Variants in SLC17A9 observed in about 807,000 individuals in gnomAD.
The protein encoded by SLC17A9 is voltage-gated purine nucleotide uniporter SLC17A9.
In SLC17A9, 49 loss-of-function variants were observed where a neutral mutation model predicts 55.0. That is an observed-to-expected ratio of 0.89 (90% CI 0.71 to 1.13). SLC17A9 has a LOEUF of 1.13. Among genes scored for constraint, SLC17A9 ranks in the 50% most tolerant of loss-of-function variants. SLC17A9 has a pLI of 0.00. For missense variants in SLC17A9, 526 were observed against 569.3 expected (o/e 0.92, Z 0.77); for synonymous variants, 256 against 247.4 (o/e 1.03, Z -0.32).
At chr20:62,961,972 C>T (rs941252285) in intron 4 of SLC17A9, among the ~76,000 whole-genome samples, 2 of 152,172 alleles carry the variant, frequency 1.3e-5, no homozygotes. Flanking sequence ...TGCCAGGCCC[C>T]GCTTTGGGGC....
chr20:62,959,238 G>A (rs1470429314), intron 3 of SLC17A9, among the ~76,000 whole-genome samples: 1 of 152,200 alleles, frequency 6.6e-6, no homozygotes, highest in Non-Finnish European at 1.5e-5. Context: ...TGGGGCAGGC[G>A]GCTGTCCTCG....
At chr20:62,956,442 T>TC (rs2065537400) in intron 1 of SLC17A9, among the ~76,000 whole-genome samples, 1 of 152,048 alleles carries the variant, frequency 6.6e-6, no homozygotes, top group South Asian at 2.1e-4. Flanking sequence ...GGTCACCCTC[T>TC]CCCCTGTTCT....
Position 62,967,788 on chromosome 20 carries a change from G to A in SLC17A9, c.*288G>A, listed in dbSNP as rs1248599411. 3 of 343,608 alleles carry A rather than the reference G, an allele frequency of 8.7e-6. No individual in the cohort carries two copies. The highest frequency in any genetic ancestry group is 1.6e-5 in the Non-Finnish European group (3 of 186,950). 21.3% of individuals were successfully genotyped at this position (343,608 alleles called of 1,614,324 possible). A position where few individuals can be genotyped will look rare whatever the true frequency, so the allele number is the denominator to read the frequency against. On this transcript the variant is annotated 3_prime_UTR_variant, in exon 13 of 13. Coordinates refer to ENST00000370351, the MANE Select transcript of SLC17A9 (RefSeq NM_022082.4). The stretch of plus-strand genomic sequence containing the variant: ...CTGGTGTGGCCGTCAGGGTGGGTGG[G>A]GTTATTGTTAGTAGGCGCAGCCTCA...
At chr20:62,965,922 C>T (rs188935832) in intron 10 of SLC17A9, among the ~76,000 whole-genome samples, 197 bp downstream of exon 10, 35 of 152,394 alleles carry the variant, frequency 2.3e-4, no homozygotes, top group African/African-American at 7.9e-4. Flanking sequence ...GTGAGCAGCA[C>T]GTGCGCGTGA....
At chr20:62,954,842 T>C (rs1214724838) in intron 1 of SLC17A9, among the ~76,000 whole-genome samples, 1 of 152,240 alleles carries the variant, frequency 6.6e-6, no homozygotes, top group African/African-American at 2.4e-5. Flanking sequence ...TGGCTCTGTG[T>C]TCTCAGTCCT....
At chr20:62,963,214 G>A in intron 5 of SLC17A9, 59 bp from the exon 6 acceptor site, 1 of 1,557,158 alleles carries the variant, frequency 6.4e-7, no homozygotes, top group Non-Finnish European at 8.8e-7. Context: ...CCAATCCTTT[G>A]GCAACGGGTG....
intron 8 of SLC17A9, 64 bp downstream of exon 8, chr20:62,964,379 C>A: frequency 6.7e-7 from 1 of 1,503,076 alleles, no homozygotes; most frequent in Non-Finnish European, 9.3e-7. Flanking sequence ...TTTCGAGGGG[C>A]AGGATGCTCC....
rs1193927807 is a variant in SLC17A9, at chr20:62,956,751, C to T, written c.60-14C>T. On this transcript the variant is annotated splice_polypyrimidine_tract_variant and intron_variant, in intron 1 of 12. Transcript: ENST00000370351. ...TGGGGCCTCCCCAGGGCCTGACCATCTCCTGTCCCACAGGCCCGAGTGCCA... is the reference window on the plus strand; with the variant it reads ...TGGGGCCTCCCCAGGGCCTGACCATTTCCTGTCCCACAGGCCCGAGTGCCA... The T allele has an allele frequency of 6.2e-7, 1 of 1,608,544 alleles. No homozygotes were observed. Among genetic ancestry groups the T allele is most frequent in the Non-Finnish European group, 8.5e-7 (1 of 1,178,658 alleles).
Position 62,965,614 on chromosome 20 carries a change from T to G in SLC17A9, c.950T>G (p.Met317Arg). ...CACGGTGGCGCTTTCCTGCAGGGCA[T>G]GGGCCTTGGCCTCTCCAGCGTCTTT... ...AITVRKLMQGMGLGLSSVFAL... is the reference protein window; with the variant it reads ...AITVRKLMQGRGLGLSSVFAL... The change falls in exon 10 of 13, where the codon ATG becomes AGG. Residue 317 changes from methionine to arginine, a missense_variant. Physicochemically the swap from Met to Arg is moderately conservative, Grantham distance 91. Transcript: ENST00000370351. The G allele has an allele frequency of 6.2e-7, 1 of 1,612,550 alleles. No individual in the cohort carries two copies. Among genetic ancestry groups the G allele is most frequent in the South Asian group, 1.1e-5 (1 of 91,044 alleles).
rs578117224 is a variant in SLC17A9 at position 62,953,231 on chromosome 20, C to A, written c.59+342C>A. Reference sequence around the variant, plus strand: ...GCCAGGTGGAACCACCCTGTGTATGCATGACCCTGACAAGCAGGCGCCAGG... The same window carrying A: ...GCCAGGTGGAACCACCCTGTGTATGAATGACCCTGACAAGCAGGCGCCAGG... On this transcript the variant is annotated intron_variant, in intron 1 of 12. Transcript: ENST00000370351. 1.1e-3 allele frequency: 1,675 copies of A among 1,550,402 alleles called. 2 individuals are homozygous for A. Among genetic ancestry groups the A allele is most frequent in the Non-Finnish European group, 1.3e-3 (1,450 of 1,146,870 alleles).
intron 8 of SLC17A9, among the ~76,000 whole-genome samples, chr20:62,964,631 G>A (rs1375822094): frequency 6.6e-6 from 1 of 152,188 alleles, no homozygotes; most frequent in African/African-American, 2.4e-5. Flanking sequence ...TGTTCCATGT[G>A]CTCCAGACCC....
intron 3 of SLC17A9, among the ~76,000 whole-genome samples, chr20:62,960,302 C>A (rs1428126615): frequency 1.3e-5 from 2 of 152,340 alleles, no homozygotes; most frequent in South Asian, 2.1e-4. Context: ...GTGCGGGTGG[C>A]ACGACCCTGA....
At chr20:62,966,937 T>C in intron 12 of SLC17A9, 1 of 625,852 alleles carries the variant, frequency 1.6e-6, no homozygotes, top group Non-Finnish European at 2.7e-6. Flanking sequence ...GGCTCATGAG[T>C]CGCCATCTGC....
At chr20:62,953,349 A>G in intron 1 of SLC17A9, 1 of 1,484,894 alleles carries the variant, frequency 6.7e-7, no homozygotes, top group Non-Finnish European at 9.2e-7. Context: ...CTGTGTGCTG[A>G]GGACGAGCTC....
chr20:62,963,148 T>A lies in SLC17A9; in HGVS notation c.629-125T>A, dbSNP rs759721194. On this transcript the variant is annotated intron_variant, in intron 5 of 12. Transcript: ENST00000370351. Reference sequence around the variant, plus strand: ...AGGCCAAGGGAGGCTGGCGCCCATGTGCAACCTGAGGCATGGACGAGGCCT... The same window carrying A: ...AGGCCAAGGGAGGCTGGCGCCCATGAGCAACCTGAGGCATGGACGAGGCCT... 5.8e-4 allele frequency: 570 copies of A among 975,726 alleles called. 1 individual carries two copies. Among genetic ancestry groups the A allele is most frequent in the Non-Finnish European group, 8.2e-4 (529 of 642,388 alleles). 60.4% of individuals were successfully genotyped at this position (975,726 alleles called of 1,614,324 possible). A position where few individuals can be genotyped will look rare whatever the true frequency, so the allele number is the denominator to read the frequency against.
intron 12 of SLC17A9, chr20:62,967,006 C>T: frequency 1.7e-6 from 1 of 576,838 alleles, no homozygotes; most frequent in Non-Finnish European, 3.0e-6. Flanking sequence ...CACCTCCTGG[C>T]CCCGCTGAGT....
intron 4 of SLC17A9, among the ~76,000 whole-genome samples, 157 bp downstream of exon 4, chr20:62,960,760 C>T (rs1056694983): frequency 3.3e-5 from 5 of 152,272 alleles, no homozygotes; most frequent in Admixed American, 3.3e-4. Context: ...TAGCCCGAGG[C>T]TGTGCTCTGC....
Position 62,952,901 on chromosome 20 carries a change from G to C in SLC17A9, c.59+12G>C. 1 of 1,390,942 alleles carries C rather than the reference G, an allele frequency of 7.2e-7. No homozygotes were observed. The highest frequency in any genetic ancestry group is 9.6e-7 in the Non-Finnish European group (1 of 1,036,340). 86.2% of individuals were successfully genotyped at this position (1,390,942 alleles called of 1,614,324 possible). A position where few individuals can be genotyped will look rare whatever the true frequency, so the allele number is the denominator to read the frequency against. ...ACCCAGTGGTCCAGGTGTGGCGGGG[G>C]TGAGGGGAGGGGGGGTGGGAGCGGT... On this transcript the variant is annotated intron_variant, in intron 1 of 12. Transcript: ENST00000370351.
At chr20:62,952,910 G>C (rs1307274588) in intron 1 of SLC17A9, 21 bp downstream of exon 1, 3 of 1,423,356 alleles carry the variant, frequency 2.1e-6, no homozygotes, top group Non-Finnish European at 2.8e-6. Flanking sequence ...GGTGAGGGGA[G>C]GGGGGGTGGG....
Sources: allele counts gnomAD v4.1 joint callset (sites outside exome capture counted in the v4.1 genomes callset), GRCh38; gene constraint gnomAD v4.1.1; transcripts MANE v1.5; gene names NCBI Gene and HGNC (gene_info 2026-07-23, HGNC 2026-07-21).